Variants in AHI1 observed in about 807,000 individuals in gnomAD.
The protein encoded by AHI1 is Abelson helper integration site 1.
A neutral mutation model predicts 149.3 loss-of-function variants in AHI1; 123 were observed. The ratio of observed to expected loss-of-function variants is 0.82; its 90% CI spans 0.71 to 0.96. The LOEUF is 0.96. AHI1 is among the 40% of genes least tolerant of loss of function. The pLI is 0.00. For synonymous variants in AHI1, 475 were observed against 459.8 expected, an observed-to-expected ratio of 1.03 and a Z score of -0.42; for missense variants, 1,439 against 1,422.7, an observed-to-expected ratio of 1.01 and a Z score of -0.18.
chr6:135,408,784 A>G (rs142626929), intron 21 of AHI1, among the ~76,000 whole-genome samples: 3 of 152,272 alleles, frequency 2.0e-5, no homozygotes, highest in African/African-American at 7.2e-5. Flanking sequence ...AAGGAGCTCA[A>G]AGTAATTCTA....
At chr6:135,477,557 G>A (rs1323098865) in intron 5 of AHI1, among the ~76,000 whole-genome samples, 1 of 152,144 alleles carries the variant, frequency 6.6e-6, no homozygotes, top group East Asian at 1.9e-4. Context: ...GGGGCCTGGT[G>A]GGAGGTGACT....
chr6:135,354,304 TATC>T (rs1241663097), intron 24 of AHI1, among the ~76,000 whole-genome samples: 2 of 152,152 alleles, frequency 1.3e-5, no homozygotes, highest in East Asian at 1.9e-4. Flanking sequence ...ATTTGAATTT[TATC>T]ATATTAGTTT....
chr6:135,325,833 T>C (rs934897151), intron 24 of AHI1, among the ~76,000 whole-genome samples: 4 of 152,332 alleles, frequency 2.6e-5, no homozygotes, highest in Admixed American at 2.6e-4. Flanking sequence ...CCTAGGTGGC[T>C]GCTGGGAAGG....
At chr6:135,328,739 G>A (rs1788094045) in intron 24 of AHI1, among the ~76,000 whole-genome samples, 1 of 152,092 alleles carries the variant, frequency 6.6e-6, no homozygotes, top group Admixed American at 6.6e-5. Flanking sequence ...AAATGATTAA[G>A]TTTAGTGAGG....
intron 8 of AHI1, among the ~76,000 whole-genome samples, chr6:135,460,586 C>G (rs1269765014): frequency 6.6e-6 from 1 of 152,134 alleles, no homozygotes; most frequent in East Asian, 1.9e-4. Flanking sequence ...AATGGAGAAG[C>G]TCTTCTAAAA....
At position 135,395,408 on chromosome 6, in the gene AHI1, A is replaced by C. The variant is rs553505737; in HGVS notation, c.2989-512T>G. Among the ~76,000 whole-genome samples, 13 of 151,898 alleles carry C rather than the reference A, an allele frequency of 8.6e-5. No individual in the cohort carries two copies. In the East Asian group the frequency reaches 2.5e-3, roughly 29 times the overall value. The stretch of plus-strand genomic sequence containing the variant: ...TGTGAAATAGTATCCATTGCATCAA[A>C]ACACCTTACTCAGGATACTGTTTAA... On this transcript the variant is annotated intron_variant, in intron 22 of 28. Transcript: ENST00000265602.
At position 135,433,200 on chromosome 6, in the gene AHI1, G is replaced by C. The variant is rs749297572; in HGVS notation, c.2093C>G (p.Ser698Cys). ...TNTFRVLPHP[S>C]FVYTAKFHPA... ...ATGGAATTTAGCCGTGTAAACAAAA[G>C]AAGGATGAGGTAAAACTCTGAAAGT... is the stretch of plus-strand genomic sequence containing the variant. Residue 698 changes from serine (S) to cysteine (C), a missense_variant, in exon 16 of 29, where the codon TCT (serine) becomes TGT (cysteine). Transcript: ENST00000265602. 3.7e-6 allele frequency: 6 copies of C among 1,612,616 alleles called. No individual in the cohort carries two copies. In the South Asian group the frequency reaches 6.6e-5, roughly 18 times the overall value.
chr6:135,431,336 CTCA>C, intron 16 of AHI1, 22 bp from the exon 17 acceptor site: 1 of 1,437,662 alleles, frequency 7.0e-7, no homozygotes, highest in African/African-American at 1.4e-5. Context: ...AATAAGATCA[CTCA>C]CTTATGAATG....
intron 14 of AHI1, 136 bp from the exon 15 acceptor site, chr6:135,438,634 G>A (rs1583233529): frequency 1.5e-6 from 1 of 668,878 alleles, no homozygotes; most frequent in Admixed American, 4.4e-5. Flanking sequence ...GCAGCACAGA[G>A]AAAATTTCAA....
At chr6:135,343,099 T>C (rs1790631503) in intron 24 of AHI1, among the ~76,000 whole-genome samples, 1 of 151,518 alleles carries the variant, frequency 6.6e-6, no homozygotes, top group Non-Finnish European at 1.5e-5. Flanking sequence ...TTCAAAAAGG[T>C]CTCAGGATAC....
intron 23 of AHI1, among the ~76,000 whole-genome samples, chr6:135,377,399 C>G (rs755629583): frequency 6.6e-6 from 1 of 152,054 alleles, no homozygotes; most frequent in Non-Finnish European, 1.5e-5. Flanking sequence ...AGTAGGCCAC[C>G]GAATCTTTAA....
At chr6:135,464,923 T>C (rs985871130) in intron 7 of AHI1, among the ~76,000 whole-genome samples, 2 of 152,218 alleles carry the variant, frequency 1.3e-5, no homozygotes, top group South Asian at 2.1e-4. Context: ...ACAGAAACTC[T>C]GAGACAGTAA....
Position 135,492,296 on chromosome 6 carries a change from C to A in AHI1, c.-54-5G>T. 3 of 1,499,244 alleles carry A rather than the reference C, an allele frequency of 2.0e-6. No individual in the cohort carries two copies. Among genetic ancestry groups the A allele is most frequent in the South Asian group, 2.8e-5 (2 of 71,194 alleles). The allele number at this position is 1,499,244 out of a possible 1,614,324, so 92.9% of individuals were successfully genotyped here. On this transcript the variant is annotated splice_polypyrimidine_tract_variant and splice_region_variant and intron_variant, in intron 3 of 28. Coordinates refer to ENST00000265602, the MANE Select transcript of AHI1 (RefSeq NM_001134831.2). ...AGCATTGACTCAATCAGGATCCTAT[C>A]GAAACAAAGGAGATGTATTTGTAAT...
chr6:135,410,328 C>T (rs1781407927), intron 21 of AHI1, among the ~76,000 whole-genome samples: 1 of 152,178 alleles, frequency 6.6e-6, no homozygotes, highest in Admixed American at 6.5e-5. Flanking sequence ...AATGATCACA[C>T]CACTGCATTC....
Position 135,447,056 on chromosome 6 carries a change from T to A in AHI1, c.1731A>T (p.Gly577=). The A allele has an allele frequency of 6.8e-6, 11 of 1,608,536 alleles. No homozygotes were observed. The highest frequency in any genetic ancestry group is 7.6e-6 in the Non-Finnish European group (9 of 1,176,688). The part of the protein sequence containing the change: ...HESSSVDTEP[G]LEESKEVIKW... ...TTATTACTTCCTTTGACTCTTCTAA[T>A]CCAGGTTCTGTGTCTACTGAGCTTG... The change falls in exon 13 of 29, where the codon GGA becomes GGT. Residue 577 remains glycine (G), a synonymous_variant. Transcript: ENST00000265602.
In AHI1 at chr6:135,442,574, T is replaced by C; in HGVS notation, c.1912+8A>G. ...CAATCAGATTAAACAGGTAGGATTA[T>C]TACTCACAAATAATTGGATATCCAT... On this transcript the variant is annotated splice_region_variant and intron_variant, in intron 14 of 28. Transcript: ENST00000265602. The C allele has an allele frequency of 6.2e-7, 1 of 1,604,636 alleles. No homozygotes were observed. The highest frequency in any genetic ancestry group is 2.2e-5 in the East Asian group (1 of 44,652).
intron 23 of AHI1, among the ~76,000 whole-genome samples, chr6:135,386,208 A>G (rs1156411225): frequency 6.6e-6 from 1 of 152,072 alleles, no homozygotes; most frequent in African/African-American, 2.4e-5. Context: ...TCCACGTATC[A>G]GTGCTTCTGT....
intron 24 of AHI1, among the ~76,000 whole-genome samples, chr6:135,347,277 T>A (rs1013234708): frequency 1.3e-5 from 2 of 152,180 alleles, no homozygotes; most frequent in Non-Finnish European, 2.9e-5. Context: ...AAAGATCAGA[T>A]GAGATAATAT....
In AHI1 at chr6:135,330,010, G is replaced by C. The variant is rs117524893; in HGVS notation, c.3166-6686C>G. On this transcript the variant is annotated intron_variant, in intron 24 of 28. Transcript: ENST00000265602. ...GCTGCAATCTCATGATAAAACGAAT[G>C]GATAAAGAGTTCTTTCTTATGGATG... is the stretch of plus-strand genomic sequence containing the variant. Among the ~76,000 whole-genome samples the C allele has an allele frequency of 5.5e-4, 83 of 152,292 alleles. No homozygotes were observed. In the South Asian group the frequency reaches 6.0e-3, roughly 11 times the overall value.
Sources: gnomAD v4.1 joint callset for allele counts (sites outside exome capture counted in the v4.1 genomes callset) on GRCh38, gnomAD v4.1.1 for gene constraint, MANE v1.5 for transcripts, NCBI Gene and HGNC (gene_info 2026-07-23, HGNC 2026-07-21) for gene names.